BMP6: variants seen among roughly 807,000 people sequenced by gnomAD.
BMP6 encodes bone morphogenetic protein 6, also known as VG-1-R.
Under a neutral mutation model 54.1 loss-of-function variants are expected in BMP6, and 17 were observed. The observed-to-expected ratio is 0.31, with a 90% CI of 0.22 to 0.47. BMP6 has a LOEUF of 0.47. Among genes scored for constraint, BMP6 ranks in the 20% least tolerant of loss-of-function variants. The pLI, the probability that BMP6 is intolerant of heterozygous loss-of-function variation, is 1.00. For synonymous variants in BMP6, 328 were observed against 291.2 expected, an observed-to-expected ratio of 1.13 and a Z score of -1.28; for missense variants, 720 against 690.4, an observed-to-expected ratio of 1.04 and a Z score of -0.48.
intron 1 of BMP6, among the ~76,000 whole-genome samples, chr6:7,765,599 C>G (rs1757674440): frequency 6.6e-6 from 1 of 152,262 alleles, no homozygotes; most frequent in Non-Finnish European, 1.5e-5. Context: ...TCCTGCTTCT[C>G]TATCACTAAT....
At chr6:7,834,735 C>T (rs1758847541) in intron 1 of BMP6, among the ~76,000 whole-genome samples, 2 of 152,078 alleles carry the variant, frequency 1.3e-5, no homozygotes, top group African/African-American at 2.4e-5. Context: ...GCACATTAAA[C>T]AGTGAAGGAG....
intron 2 of BMP6, among the ~76,000 whole-genome samples, chr6:7,854,364 TAC>T (rs942272633): frequency 6.6e-6 from 1 of 152,174 alleles, no homozygotes; most frequent in African/African-American, 2.4e-5. Context: ...TTTAAAAGAT[TAC>T]TTTGTAAAAC....
chr6:7,813,037 G>A (rs2113213043), intron 1 of BMP6, among the ~76,000 whole-genome samples: 1 of 131,506 alleles, frequency 7.6e-6, no homozygotes, highest in East Asian at 2.3e-4. Flanking sequence ...TGGAGGCTGA[G>A]GCAGGTATTC....
intron 1 of BMP6, among the ~76,000 whole-genome samples, chr6:7,840,119 G>A (rs145250619): frequency 6.6e-6 from 1 of 152,322 alleles, no homozygotes; most frequent in Admixed American, 6.5e-5. Context: ...CACACAGGCT[G>A]CCTTGCTCTT....
chr6:7,783,580 C>T (rs945050741), intron 1 of BMP6, among the ~76,000 whole-genome samples: 16 of 152,238 alleles, frequency 1.1e-4, no homozygotes, highest in South Asian at 4.1e-4. Context: ...CGATAAATCA[C>T]GCCAAGGGCG....
chr6:7,854,511 C>T (rs778810370), intron 2 of BMP6, among the ~76,000 whole-genome samples: 4 of 152,150 alleles, frequency 2.6e-5, no homozygotes, highest in Non-Finnish European at 4.4e-5. Context: ...TAAAAGGTAG[C>T]GGGGGCTGGG....
At chr6:7,814,992 A>G (rs1200896096) in intron 1 of BMP6, among the ~76,000 whole-genome samples, 1 of 152,094 alleles carries the variant, frequency 6.6e-6, no homozygotes, top group East Asian at 1.9e-4. Context: ...AATAATAATA[A>G]TTTTCTCTGT....
intron 1 of BMP6, among the ~76,000 whole-genome samples, chr6:7,804,872 C>T (rs1758325511): frequency 1.4e-5 from 2 of 143,164 alleles, no homozygotes; most frequent in Non-Finnish European, 3.0e-5. Context: ...GAATATTTTC[C>T]AACGCTTTCT....
At chr6:7,765,616 G>A (rs1049669428) in intron 1 of BMP6, among the ~76,000 whole-genome samples, 1 of 152,234 alleles carries the variant, frequency 6.6e-6, no homozygotes, top group Non-Finnish European at 1.5e-5. Flanking sequence ...TAATTGGCTT[G>A]ACGCTCTTTT....
intron 1 of BMP6, among the ~76,000 whole-genome samples, chr6:7,799,657 TTAATAAA>T (rs1758240461): frequency 6.6e-6 from 1 of 151,846 alleles, no homozygotes; most frequent in Admixed American, 6.6e-5. Context: ...TCAGCTTACT[TTAATAAA>T]TAAGCAGCCA....
intron 2 of BMP6, among the ~76,000 whole-genome samples, chr6:7,851,612 A>T (rs1366922990): frequency 6.6e-6 from 1 of 152,052 alleles, no homozygotes; most frequent in Admixed American, 6.5e-5. Context: ...GTCCAGTACA[A>T]TGTTGAAATT....
chr6:7,859,944 T>A (rs1759308941), intron 2 of BMP6, among the ~76,000 whole-genome samples: 1 of 152,232 alleles, frequency 6.6e-6, no homozygotes, highest in Non-Finnish European at 1.5e-5. Flanking sequence ...CTGAGAAATC[T>A]AACCATTTGA....
chr6:7,800,827 T>G (rs1758258286), intron 1 of BMP6, among the ~76,000 whole-genome samples: 1 of 151,698 alleles, frequency 6.6e-6, no homozygotes, highest in African/African-American at 2.4e-5. Context: ...AACCCACATT[T>G]TCTAGGGTTC....
chr6:7,741,711 G>T (rs1396287975), intron 1 of BMP6, among the ~76,000 whole-genome samples: 6 of 152,342 alleles, frequency 3.9e-5, no homozygotes, highest in East Asian at 1.9e-4. Context: ...GGGCTTACAG[G>T]CATGAGCCAC....
At chr6:7,825,257 CA>C in intron 1 of BMP6, among the ~76,000 whole-genome samples, 1 of 152,040 alleles carries the variant, frequency 6.6e-6, no homozygotes. Context: ...CCAGTCTGCT[CA>C]ACAGAGCAAG....
intron 1 of BMP6, among the ~76,000 whole-genome samples, chr6:7,747,483 T>G (rs1757365020): frequency 6.6e-6 from 1 of 152,144 alleles, no homozygotes; most frequent in South Asian, 2.1e-4. Flanking sequence ...GGAAGGGCCC[T>G]GAGCTGACAG....
Position 7,881,300 on chromosome 6 carries a change from C to T in BMP6, c.*957C>T, listed in dbSNP as rs1239601703. On this transcript the variant is annotated 3_prime_UTR_variant, in exon 7 of 7. Transcript: ENST00000283147. ...TGTTTATGAACGGAAATCATGATTT[C>T]CCTTGTAGAAAGTGAGGCTCAGATT... is the stretch of plus-strand genomic sequence containing the variant. 6.6e-6 allele frequency: 1 copy of T among 152,568 alleles called. No individual in the cohort carries two copies. Among genetic ancestry groups the T allele is most frequent in the Non-Finnish European group, 1.5e-5 (1 of 68,038 alleles). 9.5% of individuals were successfully genotyped at this position (152,568 alleles called of 1,614,324 possible).
intron 1 of BMP6, among the ~76,000 whole-genome samples, chr6:7,813,802 A>G (rs141354162): frequency 4.5e-4 from 69 of 152,206 alleles, no homozygotes; most frequent in Admixed American, 7.8e-4. Context: ...CAGTCACTGT[A>G]TAAGTAGCCA....
chr6:7,825,964 G>A (rs368615526), intron 1 of BMP6, among the ~76,000 whole-genome samples: 8 of 152,170 alleles, frequency 5.3e-5, no homozygotes, highest in Non-Finnish European at 8.8e-5. Flanking sequence ...TAACTCTTCC[G>A]TCCACCACAG....
Sources: allele counts gnomAD v4.1 joint callset (sites outside exome capture counted in the v4.1 genomes callset), GRCh38; gene constraint gnomAD v4.1.1; transcripts MANE v1.5; gene names NCBI Gene and HGNC (gene_info 2026-07-23, HGNC 2026-07-21).